FMN1: variants seen among roughly 807,000 people sequenced by gnomAD.
FMN1 encodes the protein formin-1.
A neutral mutation model predicts 132.4 loss-of-function variants in FMN1; 110 were observed. That is an observed-to-expected ratio of 0.83 (90% confidence interval 0.71 to 0.97). The LOEUF (loss-of-function observed/expected upper bound fraction) is 0.97, where lower values mean the gene tolerates loss of function less well. Ranked by LOEUF, FMN1 falls within the 50% of genes least tolerant of loss-of-function variation. The probability of loss-of-function intolerance (pLI) is 0.00; values close to 1 mark genes in which losing one functional copy is unlikely to be tolerated. For synonymous variants in FMN1, 722 were observed against 651.7 expected (o/e 1.11, Z -1.64); for missense variants, 1,792 against 1,705.3 (o/e 1.05, Z -0.90).
intron 9 of FMN1, among the ~76,000 whole-genome samples, chr15:32,932,061 T>G (rs1404520536): frequency 2.0e-5 from 3 of 152,202 alleles, no homozygotes; most frequent in Non-Finnish European, 4.4e-5. Context: ...GAGAGATAAT[T>G]GACACTTGGT....
chr15:33,155,980 C>A (rs1443996891), intron 3 of FMN1, among the ~76,000 whole-genome samples: 2 of 152,190 alleles, frequency 1.3e-5, no homozygotes, highest in East Asian at 3.8e-4. Flanking sequence ...ACCGCCCACA[C>A]CCTGGGAATG....
intron 13 of FMN1, among the ~76,000 whole-genome samples, chr15:32,901,116 T>G (rs750489299): frequency 6.6e-6 from 1 of 151,938 alleles, no homozygotes; most frequent in Admixed American, 6.6e-5. Flanking sequence ...ATCACGCTAC[T>G]GCACTCCAGC....
chr15:33,018,572 T>C lies in FMN1; in HGVS notation c.2162-10497A>G, dbSNP rs139435466. Among the ~76,000 whole-genome samples the C allele has an allele frequency of 9.8e-3, 1,496 of 152,228 alleles. 10 individuals are homozygous for C. Among genetic ancestry groups the C allele is most frequent in the Admixed American group, 0.015 (226 of 15,296 alleles). On this transcript the variant is annotated intron_variant, in intron 6 of 20. Transcript: ENST00000616417. ...AGAGGGTGGTGCGCCCAAGAAGAAA[T>C]GTAAGCTCTACGGCCCTTCCCCCGT...
At chr15:32,880,040 C>A (rs1029567168) in intron 16 of FMN1, among the ~76,000 whole-genome samples, 1 of 147,106 alleles carries the variant, frequency 6.8e-6, no homozygotes, top group African/African-American at 2.6e-5. Context: ...ATGTCTCTAA[C>A]AAGCTTCTAT....
chr15:32,985,534 G>C (rs987898070), intron 7 of FMN1, among the ~76,000 whole-genome samples: 1 of 152,102 alleles, frequency 6.6e-6, no homozygotes, highest in African/African-American at 2.4e-5. Context: ...GTTAGCAAAA[G>C]AAAACCAAGG....
intron 5 of FMN1, among the ~76,000 whole-genome samples, chr15:33,074,789 G>A (rs1464054845): frequency 6.6e-6 from 1 of 152,016 alleles, no homozygotes; most frequent in Non-Finnish European, 1.5e-5. Flanking sequence ...GCTGAGGCAG[G>A]CGGATCACTT....
At chr15:32,977,708 A>T (rs1215660436) in intron 7 of FMN1, among the ~76,000 whole-genome samples, 1 of 152,200 alleles carries the variant, frequency 6.6e-6, no homozygotes, top group Non-Finnish European at 1.5e-5. Flanking sequence ...ATCTCTATTC[A>T]TAAAAGCTTC....
At chr15:33,003,627 T>C (rs1015486941) in intron 7 of FMN1, among the ~76,000 whole-genome samples, 20 of 152,302 alleles carry the variant, frequency 1.3e-4, no homozygotes, top group Non-Finnish European at 2.9e-4. Context: ...CCCAAGGTAA[T>C]TTATAGATTC....
intron 6 of FMN1, among the ~76,000 whole-genome samples, chr15:33,008,469 G>A (rs1179310962): frequency 6.6e-6 from 1 of 151,976 alleles, no homozygotes. Flanking sequence ...TTCTATGTGA[G>A]ATCAGAGCAC....
At chr15:32,950,932 T>C (rs939386448) in intron 9 of FMN1, among the ~76,000 whole-genome samples, 2 of 152,226 alleles carry the variant, frequency 1.3e-5, no homozygotes, top group Non-Finnish European at 2.9e-5. Context: ...AGATGTGATC[T>C]GTATGAAAAA....
At chr15:32,817,511 A>G (rs1029004629) in intron 17 of FMN1, among the ~76,000 whole-genome samples, 1 of 152,186 alleles carries the variant, frequency 6.6e-6, no homozygotes, top group Admixed American at 6.5e-5. Flanking sequence ...TGATGTTACC[A>G]AGTATCTAGG....
intron 4 of FMN1, among the ~76,000 whole-genome samples, chr15:33,127,921 G>A (rs1183819786): frequency 1.5e-5 from 2 of 135,390 alleles, no homozygotes; most frequent in Admixed American, 1.6e-4. Flanking sequence ...GAGACAGATG[G>A]AAATAGAAGA....
At chr15:32,839,724 T>C (rs912787711) in intron 17 of FMN1, among the ~76,000 whole-genome samples, 6 of 151,844 alleles carry the variant, frequency 4.0e-5, no homozygotes, top group Middle Eastern at 3.4e-3. Flanking sequence ...GAAGATTCTC[T>C]TGAGAACCGA....
chr15:32,857,022 G>A lies in FMN1; in HGVS notation c.3921C>T (p.Phe1307=), dbSNP rs760064651. Residue 1307 remains phenylalanine, a synonymous_variant, in exon 17 of 21, where the codon TTC becomes TTT. Coordinates refer to ENST00000616417, the MANE Select transcript of FMN1 (RefSeq NM_001277313.2). ...QPFKDKLEEF[F]QKAKKEHKME... ...GCTGACAAAGCTTCCTACCTTTTTG[G>A]AAGAACTCCTCTAGTTTGTCCTTGA... The A allele has an allele frequency of 5.6e-6, 9 of 1,610,646 alleles. No individual in the cohort carries two copies. The Admixed American group carries it at 1.2e-4, about 21-fold the overall frequency.
At chr15:33,093,509 T>G (rs931255203) in intron 4 of FMN1, among the ~76,000 whole-genome samples, 6 of 152,206 alleles carry the variant, frequency 3.9e-5, no homozygotes, top group African/African-American at 1.4e-4. Context: ...AAAAGTATAG[T>G]CTCATGGCTG....
chr15:33,168,338 T>G (rs1177441264), intron 3 of FMN1, among the ~76,000 whole-genome samples: 1 of 152,212 alleles, frequency 6.6e-6, no homozygotes, highest in Non-Finnish European at 1.5e-5. Flanking sequence ...ACAGATTGTG[T>G]TTATTAAGCA....
chr15:32,999,444 T>A (rs2033966125), intron 7 of FMN1, among the ~76,000 whole-genome samples: 1 of 152,224 alleles, frequency 6.6e-6, no homozygotes, highest in Non-Finnish European at 1.5e-5. Flanking sequence ...CTACAAGTCT[T>A]AATGGAGGCC....
intron 6 of FMN1, among the ~76,000 whole-genome samples, chr15:33,019,730 C>T (rs1391067371): frequency 1.3e-5 from 2 of 152,172 alleles, no homozygotes; most frequent in South Asian, 2.1e-4. Context: ...GAGTGCTAAG[C>T]CCCTCACTGC....
At chr15:32,871,684 CT>C (rs1373421078) in intron 16 of FMN1, among the ~76,000 whole-genome samples, 1 of 152,062 alleles carries the variant, frequency 6.6e-6, no homozygotes, top group Non-Finnish European at 1.5e-5. Flanking sequence ...AAGGAAAAAC[CT>C]TTGTAGAATT....
Sources: gnomAD v4.1 joint callset for allele counts (sites outside exome capture counted in the v4.1 genomes callset) on GRCh38, gnomAD v4.1.1 for gene constraint, MANE v1.5 for transcripts, NCBI Gene and HGNC (gene_info 2026-07-23, HGNC 2026-07-21) for gene names.